CTCF: variants seen among roughly 807,000 people sequenced by gnomAD.
The protein encoded by CTCF is transcriptional repressor CTCF.
CTCF carries 7 observed loss-of-function variants against 72.3 expected under a neutral mutation model. The observed-to-expected ratio is 0.10, with a 90% CI of 0.06 to 0.18. The LOEUF (loss-of-function observed/expected upper bound fraction) is 0.18. Ranked by LOEUF, CTCF falls within the 10% of genes least tolerant of loss-of-function variation. The pLI is 1.00. For synonymous variants in CTCF, 374 were observed against 315.8 expected, an observed-to-expected ratio of 1.18 and a Z score of -1.95; for missense variants, 516 against 949.1, an observed-to-expected ratio of 0.54 and a Z score of 6.00.
At chr16:67,577,685 G>C (rs1040091701) in intron 2 of CTCF, among the ~76,000 whole-genome samples, 1 of 151,686 alleles carries the variant, frequency 6.6e-6, no homozygotes, top group Non-Finnish European at 1.5e-5. Context: ...CTGACCTTGT[G>C]ATCCGTCCAC....
At position 67,639,159 on chromosome 16, in the gene CTCF, A is replaced by G. The variant is rs2052471215; in HGVS notation, c.*1287A>G. On this transcript the variant is annotated 3_prime_UTR_variant, in exon 12 of 12. Coordinates refer to ENST00000264010, the MANE Select transcript of CTCF (RefSeq NM_006565.4). The stretch of plus-strand genomic sequence containing the variant: ...TCTACTGCTGTACAGCTAATAAATC[A>G]TAACGGATTAACAAGTGCTCCAAAG... 5.3e-6 allele frequency: 1 copy of G among 189,412 alleles called. No individual in the cohort carries two copies. The highest frequency in any genetic ancestry group is 2.3e-5 in the African/African-American group (1 of 42,904). The allele number at this position is 189,412 out of a possible 1,614,324, so 11.7% of individuals were successfully genotyped here.
intron 2 of CTCF, among the ~76,000 whole-genome samples, chr16:67,594,391 A>G (rs1270535868): frequency 2.0e-5 from 3 of 151,930 alleles, no homozygotes; most frequent in Non-Finnish European, 2.9e-5. Context: ...CTCAAAAAAA[A>G]AAAAAAAAGG....
rs1032687490 is a variant in CTCF at position 67,616,944 on chromosome 16, A to G, written c.1086+66A>G. 4.6e-6 allele frequency: 7 copies of G among 1,531,148 alleles called. No individual in the cohort carries two copies. The East Asian group carries it at 6.8e-5, about 15-fold the overall frequency. The allele number at this position is 1,531,148 out of a possible 1,614,324, so 94.8% of individuals were successfully genotyped here. A position where few individuals can be genotyped will look rare whatever the true frequency, so the allele number is the denominator to read the frequency against. ...CCATGATTTATTTCAATACAAAGCT[A>G]TAACTACTACCCAAACGGACTTAAG... On this transcript the variant is annotated intron_variant, in intron 5 of 11. Coordinates refer to ENST00000264010, the MANE Select transcript of CTCF (RefSeq NM_006565.4).
At chr16:67,629,253 C>A in intron 9 of CTCF, 145 bp from the exon 10 acceptor site, 1 of 701,426 alleles carries the variant, frequency 1.4e-6, no homozygotes, top group Non-Finnish European at 2.3e-6. Context: ...TATCCATTTC[C>A]CCTGAGCAGA....
At chr16:67,566,464 C>T (rs2051343818) in intron 1 of CTCF, among the ~76,000 whole-genome samples, 1 of 132,734 alleles carries the variant, frequency 7.5e-6, no homozygotes, top group South Asian at 2.7e-4. Flanking sequence ...GAGTCAAGAT[C>T]GTGCCGTTGC....
rs117676849 is a variant in CTCF, at chr16:67,638,606, C to G, written c.*734C>G. On this transcript the variant is annotated 3_prime_UTR_variant, in exon 12 of 12. Transcript: ENST00000264010. ...AGCAGAATGGCACCCAGACCACTGCCCACCAGTGACGGACATGCACGTGGC... is the reference window on the plus strand; with the variant it reads ...AGCAGAATGGCACCCAGACCACTGCGCACCAGTGACGGACATGCACGTGGC... The G allele has an allele frequency of 1.9e-3, 438 of 231,946 alleles. 8 individuals are homozygous for G. In the East Asian group the frequency reaches 0.024, roughly 13 times the overall value. The allele number at this position is 231,946 out of a possible 1,614,324, so 14.4% of individuals were successfully genotyped here.
intron 2 of CTCF, among the ~76,000 whole-genome samples, chr16:67,594,718 C>G (rs2051789674): frequency 6.6e-6 from 1 of 152,192 alleles, no homozygotes; most frequent in Admixed American, 6.5e-5. Context: ...TGTGCAGGAA[C>G]CATCTATACC....
intron 2 of CTCF, among the ~76,000 whole-genome samples, chr16:67,608,437 G>T (rs964525539): frequency 6.6e-6 from 1 of 152,162 alleles, no homozygotes; most frequent in African/African-American, 2.4e-5. Flanking sequence ...GTATGACATG[G>T]GCAGTTTTGT....
chr16:67,636,855 AGTT>A lies in CTCF; in HGVS notation c.1999+8_1999+10del. The A allele has an allele frequency of 6.4e-7, 1 of 1,565,498 alleles. No homozygotes were observed. The highest frequency in any genetic ancestry group is 8.7e-7 in the Non-Finnish European group (1 of 1,152,706). ...AACCAGCCCAAACAGAACCAGCGTA[AGTT>A]GTTCATCTCTGCTCTGGAGGCTGGC... On this transcript the variant is annotated splice_donor_5th_base_variant and intron_variant, in intron 11 of 11. Coordinates refer to ENST00000264010, the MANE Select transcript of CTCF (RefSeq NM_006565.4).
intron 2 of CTCF, among the ~76,000 whole-genome samples, chr16:67,577,469 G>A (rs192858776): frequency 3.4e-5 from 5 of 148,438 alleles, no homozygotes; most frequent in African/African-American, 9.9e-5. Flanking sequence ...ATGGAGTCTC[G>A]CTCTGTTGCC....
intron 2 of CTCF, among the ~76,000 whole-genome samples, chr16:67,575,463 A>T (rs1483114950): frequency 6.6e-6 from 1 of 151,052 alleles, no homozygotes; most frequent in Non-Finnish European, 1.5e-5. Flanking sequence ...TTTTTTTTTG[A>T]GAGATGGAGT....
chr16:67,616,808 G>A lies in CTCF; in HGVS notation c.1016G>A (p.Arg339Gln), dbSNP rs1567610917. ...TTTGTGACCAGTGGAGAATTGGTTCGGCATCGTCGTTACAAACACACCCAC... is the reference window on the plus strand; with the variant it reads ...TTTGTGACCAGTGGAGAATTGGTTCAGCATCGTCGTTACAAACACACCCAC... ...MAFVTSGELV[R>Q]HRRYKHTHEK... Residue 339 changes from arginine (R) to glutamine (Q), a missense_variant, in exon 5 of 12, where the codon CGG becomes CAG. Arg to Gln is a conservative substitution (Grantham distance 43). Coordinates refer to ENST00000264010, the MANE Select transcript of CTCF (RefSeq NM_006565.4). 1 of 1,614,096 alleles carries A rather than the reference G, an allele frequency of 6.2e-7. No individual in the cohort carries two copies. The highest frequency in any genetic ancestry group is 8.5e-7 in the Non-Finnish European group (1 of 1,180,016).
chr16:67,587,099 C>CTTTTTT, intron 2 of CTCF, among the ~76,000 whole-genome samples: 1 of 127,588 alleles, frequency 7.8e-6, no homozygotes, highest in Non-Finnish European at 1.7e-5. Flanking sequence ...ACTTCTTAAA[C>CTTTTTT]ATTTTTTTTT....
intron 2 of CTCF, among the ~76,000 whole-genome samples, chr16:67,598,204 C>T (rs899682625): frequency 6.6e-6 from 1 of 152,070 alleles, no homozygotes; most frequent in Admixed American, 6.6e-5. Flanking sequence ...TCTCAGACTC[C>T]TGTGCTCAAG....
intron 2 of CTCF, among the ~76,000 whole-genome samples, chr16:67,603,393 A>T (rs1713054622): frequency 6.6e-6 from 1 of 151,314 alleles, no homozygotes; most frequent in Admixed American, 6.6e-5. Flanking sequence ...ATTAGCTGGG[A>T]GTGCTGGTGG....
In CTCF at chr16:67,611,495, A is replaced by G. The variant is rs529564462; in HGVS notation, c.663A>G (p.Val221=). ...KLRYTEEGKD[V]DVSVYDFEEE... The stretch of plus-strand genomic sequence containing the variant: ...GTTATACAGAGGAGGGCAAAGATGT[A>G]GATGTGTCTGTCTACGATTTTGAGG... The change falls in exon 3 of 12, where the codon GTA becomes GTG. Residue 221 remains valine, a synonymous_variant. Transcript: ENST00000264010. The G allele has an allele frequency of 1.1e-5, 18 of 1,614,124 alleles. No homozygotes were observed. Among genetic ancestry groups the G allele is most frequent in the Admixed American group, 1.7e-5 (1 of 59,998 alleles).
At chr16:67,587,100 A>ATTTTTTTT (rs754060008) in intron 2 of CTCF, among the ~76,000 whole-genome samples, 1 of 98,722 alleles carries the variant, frequency 1.0e-5, no homozygotes, top group African/African-American at 3.7e-5. Context: ...CTTCTTAAAC[A>ATTTTTTTT]TTTTTTTTTT....
intron 2 of CTCF, among the ~76,000 whole-genome samples, chr16:67,585,509 T>C (rs549807035): frequency 6.6e-6 from 1 of 152,372 alleles, no homozygotes; most frequent in South Asian, 2.1e-4. Context: ...CTCATCTTCT[T>C]AACCCAGGAC....
chr16:67,636,197 G>A lies in CTCF; in HGVS notation c.1838-493G>A, dbSNP rs2052425483. ...TCAAGACCAGCCTGACCAATATGGTGAAACCCCATCTCTACTAAAAATACA... is the reference window on the plus strand; with the variant it reads ...TCAAGACCAGCCTGACCAATATGGTAAAACCCCATCTCTACTAAAAATACA... On this transcript the variant is annotated intron_variant, in intron 10 of 11. Coordinates refer to ENST00000264010, the MANE Select transcript of CTCF (RefSeq NM_006565.4). Among the ~76,000 whole-genome samples, 3 of 152,128 alleles carry A rather than the reference G, an allele frequency of 2.0e-5. No homozygotes were observed. In the South Asian group the frequency reaches 6.2e-4, roughly 31 times the overall value.
Sources: allele counts gnomAD v4.1 joint callset (sites outside exome capture counted in the v4.1 genomes callset), GRCh38; gene constraint gnomAD v4.1.1; transcripts MANE v1.5; gene names NCBI Gene and HGNC (gene_info 2026-07-23, HGNC 2026-07-21).